CDR2: variants seen among roughly 807,000 people sequenced by gnomAD.
The protein encoded by CDR2 is cerebellar degeneration-related protein 2.
A neutral mutation model predicts 48.4 loss-of-function variants in CDR2; 34 were observed. The observed-to-expected ratio is 0.70, with a 90% confidence interval of 0.53 to 0.94. CDR2 has a LOEUF of 0.94. Among genes scored for constraint, CDR2 ranks in the 40% least tolerant of loss-of-function variants. The probability of loss-of-function intolerance (pLI) is 0.00; values close to 1 mark genes in which losing one functional copy is unlikely to be tolerated. For synonymous variants in CDR2, 240 were observed against 219.7 expected, an observed-to-expected ratio of 1.09 and a Z score of -0.82; for missense variants, 498 against 549.5, an observed-to-expected ratio of 0.91 and a Z score of 0.94.
In CDR2 at chr16:22,347,305, C is replaced by T. The variant is rs1460858310; in HGVS notation, c.1025G>A (p.Gly342Asp). The change falls in exon 5 of 5, where the codon GGC becomes GAC. Residue 342 changes from glycine to aspartate, a missense_variant. By Grantham distance (94) the Gly-to-Asp change is moderately conservative. Transcript: ENST00000268383. ...IRRAKAVKQR[G>D]ISLLHEVDTQ... ...GTCCACTTCGTGCAGAAGGGAGATGCCCCTCTGTTTCACAGCCTTGGCCCT... is the reference window on the plus strand; with the variant it reads ...GTCCACTTCGTGCAGAAGGGAGATGTCCCTCTGTTTCACAGCCTTGGCCCT... 6.2e-7 allele frequency: 1 copy of T among 1,614,246 alleles called. No individual in the cohort carries two copies.
chr16:22,370,910 GATC>G (rs1374941645), intron 1 of CDR2, among the ~76,000 whole-genome samples: 1 of 152,166 alleles, frequency 6.6e-6, no homozygotes, highest in Non-Finnish European at 1.5e-5. Flanking sequence ...CTGAGAACAG[GATC>G]ATTAAAAGTT....
Position 22,349,283 on chromosome 16 carries a change from G to A in CDR2, c.502C>T (p.Arg168Cys), listed in dbSNP as rs780275569. Residue 168 changes from arginine (R) to cysteine (C), a missense_variant, in exon 4 of 5, where the codon CGC (arginine) becomes TGC (cysteine). Physicochemically the swap from Arg to Cys is radical, Grantham distance 180. Coordinates refer to ENST00000268383, the MANE Select transcript of CDR2 (RefSeq NM_001802.2). ...FACLKELYDL[R>C]QHFVYDHVFA... ...CACAGAAAGGCAGGCTCTTACTGGC[G>A]GAGGTCATACAGCTCCTTCAGACAT... 5.6e-6 allele frequency: 9 copies of A among 1,614,130 alleles called. No individual in the cohort carries two copies. Among genetic ancestry groups the A allele is most frequent in the East Asian group, 4.5e-5 (2 of 44,884 alleles).
chr16:22,373,275 C>T (rs889475867), intron 1 of CDR2, among the ~76,000 whole-genome samples: 1 of 152,184 alleles, frequency 6.6e-6, no homozygotes, highest in Non-Finnish European at 1.5e-5. Flanking sequence ...GAGACACCAT[C>T]GGCAGGCCTG....
chr16:22,369,263 T>G (rs1265766642), intron 1 of CDR2, among the ~76,000 whole-genome samples: 1 of 132,376 alleles, frequency 7.6e-6, no homozygotes, highest in Non-Finnish European at 1.6e-5. Flanking sequence ...ATGGGCAACA[T>G]AGCAAGACCT....
chr16:22,350,208 C>A (rs1473981908), intron 2 of CDR2, among the ~76,000 whole-genome samples: 1 of 151,868 alleles, frequency 6.6e-6, no homozygotes, highest in Non-Finnish European at 1.5e-5. Context: ...AAAAAAGATA[C>A]CTGCTGTTCT....
intron 4 of CDR2, among the ~76,000 whole-genome samples, chr16:22,348,280 T>G (rs956669967): frequency 1.3e-5 from 2 of 152,172 alleles, no homozygotes; most frequent in African/African-American, 4.8e-5. Flanking sequence ...GTGGCTAAAA[T>G]GGAATTGTGT....
At chr16:22,349,934 A>AGCC (rs2048931479) in intron 2 of CDR2, 85 bp from the exon 3 acceptor site, 12 of 1,306,686 alleles carry the variant, frequency 9.2e-6, no homozygotes, top group Admixed American at 5.5e-5. Flanking sequence ...CACGCCTGTA[A>AGCC]TCCCAGCACT....
intron 1 of CDR2, chr16:22,368,686 C>T (rs770323294): frequency 6.6e-6 from 1 of 152,200 alleles, no homozygotes; most frequent in Non-Finnish European, 1.5e-5. Flanking sequence ...ACTCTCATCA[C>T]GATTCTTTGT....
At chr16:22,366,265 G>A (rs1439426753) in intron 1 of CDR2, among the ~76,000 whole-genome samples, 2 of 152,072 alleles carry the variant, frequency 1.3e-5, no homozygotes, top group Non-Finnish European at 2.9e-5. Flanking sequence ...AATAATATCA[G>A]ACACTATTCT....
chr16:22,351,917 T>C (rs1300370669), intron 2 of CDR2, among the ~76,000 whole-genome samples: 1 of 152,176 alleles, frequency 6.6e-6, no homozygotes, highest in Non-Finnish European at 1.5e-5. Context: ...AGCTTACTGA[T>C]GATCAAACTG....
At chr16:22,351,599 G>A (rs2048942586) in intron 2 of CDR2, among the ~76,000 whole-genome samples, 1 of 152,148 alleles carries the variant, frequency 6.6e-6, no homozygotes, top group Admixed American at 6.5e-5. Flanking sequence ...GCTTTGACGA[G>A]AAATATATTT....
At chr16:22,370,879 A>C (rs1486268007) in intron 1 of CDR2, among the ~76,000 whole-genome samples, 1 of 152,204 alleles carries the variant, frequency 6.6e-6, no homozygotes, top group Non-Finnish European at 1.5e-5. Context: ...CTAAAGGAAA[A>C]CATTCTATAG....
intron 1 of CDR2, among the ~76,000 whole-genome samples, chr16:22,372,407 A>G (rs2049084552): frequency 1.3e-5 from 2 of 152,200 alleles, no homozygotes; most frequent in South Asian, 4.1e-4. Flanking sequence ...AGTTCAACAA[A>G]TATTAAAATC....
chr16:22,363,920 G>C (rs1276996562), intron 2 of CDR2, among the ~76,000 whole-genome samples: 1 of 152,044 alleles, frequency 6.6e-6, no homozygotes, highest in Non-Finnish European at 1.5e-5. Flanking sequence ...TTGTTAAGCT[G>C]GGCAAAAGGT....
In CDR2 at chr16:22,347,030, T is replaced by C. The variant is rs1469587816; in HGVS notation, c.1300A>G (p.Lys434Glu). 1 of 1,614,078 alleles carries C rather than the reference T, an allele frequency of 6.2e-7. No individual in the cohort carries two copies. Among genetic ancestry groups the C allele is most frequent in the East Asian group, 2.2e-5 (1 of 44,886 alleles). Residue 434 changes from lysine (K) to glutamate (E), a missense_variant, in exon 5 of 5, where the codon AAG becomes GAG. Transcript: ENST00000268383. Reference sequence around the variant, plus strand: ...TCATCTATTTCCTGCTTAGTTTTCTTGATGCAACTAAAGATCTCCTTAAAC... The same window carrying C: ...TCATCTATTTCCTGCTTAGTTTTCTCGATGCAACTAAAGATCTCCTTAAAC... ...ALFKEIFSCI[K>E]KTKQEIDEQR...
At chr16:22,374,125 G>A (rs1025796299) in intron 1 of CDR2, 106 bp downstream of exon 1, 3 of 705,648 alleles carry the variant, frequency 4.3e-6, no homozygotes, top group African/African-American at 1.9e-5. Flanking sequence ...AGCCCTTCCC[G>A]GCACCTGCAT....
At chr16:22,362,574 A>G (rs1309904130) in intron 2 of CDR2, among the ~76,000 whole-genome samples, 4 of 152,272 alleles carry the variant, frequency 2.6e-5, no homozygotes, top group Non-Finnish European at 4.4e-5. Flanking sequence ...AGCAATAATC[A>G]GGCCTCGGAT....
chr16:22,355,931 A>T (rs1188010275), intron 2 of CDR2, among the ~76,000 whole-genome samples: 2 of 152,030 alleles, frequency 1.3e-5, no homozygotes, highest in Non-Finnish European at 2.9e-5. Flanking sequence ...GTTTGTCGTA[A>T]TTTTTTCTTT....
At chr16:22,372,142 T>TTAG (rs2049082791) in intron 1 of CDR2, among the ~76,000 whole-genome samples, 1 of 152,134 alleles carries the variant, frequency 6.6e-6, no homozygotes, top group South Asian at 2.1e-4. Flanking sequence ...AGTGCTAGGA[T>TTAG]TACAGGCATG....
Sources: gnomAD v4.1 joint callset for allele counts (sites outside exome capture counted in the v4.1 genomes callset) on GRCh38, gnomAD v4.1.1 for gene constraint, MANE v1.5 for transcripts, NCBI Gene and HGNC (gene_info 2026-07-23, HGNC 2026-07-21) for gene names.